Variants in SPRED2 observed in about 807,000 individuals in gnomAD.
SPRED2 encodes sprouty-related, EVH1 domain-containing protein 2.
Under a neutral mutation model 43.0 loss-of-function variants are expected in SPRED2, and 47 were observed. The ratio of observed to expected loss-of-function variants is 1.09; its 90% CI spans 0.87 to 1.40. SPRED2 has a LOEUF of 1.40. Ranked by LOEUF, SPRED2 falls within the 40% of genes most tolerant of loss-of-function variation. The pLI is 0.00. For missense variants in SPRED2, 561 were observed against 586.4 expected (o/e 0.96, Z 0.45); for synonymous variants, 225 against 225.7 (o/e 1.00, Z 0.03).
chr2:65,336,691 A>C (rs1047962753), intron 2 of SPRED2, among the ~76,000 whole-genome samples: 2 of 152,260 alleles, frequency 1.3e-5, no homozygotes, highest in African/African-American at 4.8e-5. Context: ...GTCTCAAAAT[A>C]AACTTTTTGT....
At chr2:65,408,359 T>C (rs1230433616) in intron 1 of SPRED2, among the ~76,000 whole-genome samples, 1 of 152,184 alleles carries the variant, frequency 6.6e-6, no homozygotes, top group Non-Finnish European at 1.5e-5. Flanking sequence ...AAATATGCAG[T>C]ATAAGGTAGA....
chr2:65,385,964 AAAG>A lies in SPRED2; in HGVS notation c.27-41071_27-41069del, dbSNP rs200593579. 1.5e-3 allele frequency among the ~76,000 whole-genome samples: 221 copies of A among 152,258 alleles called. 2 individuals are homozygous for A. Among genetic ancestry groups the A allele is most frequent in the African/African-American group, 5.0e-3 (206 of 41,566 alleles). On this transcript the variant is annotated intron_variant, in intron 1 of 5. Transcript: ENST00000356388. ...TCATGCCCATGGGAGATGGTGAGGC[AAAG>A]AAGGGGGATGATATTGTATCAGAAA...
At chr2:65,308,582 A>G (rs925054697), downstream of SPRED2, 304 of 985,202 alleles carry the variant, frequency 3.1e-4, no homozygotes, top group Non-Finnish European at 3.5e-4. Flanking sequence ...GCCTCAGAAT[A>G]AAAAAGGGAC....
chr2:65,409,992 T>C (rs1216130872), intron 1 of SPRED2, among the ~76,000 whole-genome samples: 1 of 148,170 alleles, frequency 6.7e-6, no homozygotes, highest in African/African-American at 2.5e-5. Context: ...ATTGCACCAC[T>C]GTACTCCAAC....
At chr2:65,419,862 A>C (rs1676379158) in intron 1 of SPRED2, among the ~76,000 whole-genome samples, 1 of 152,160 alleles carries the variant, frequency 6.6e-6, no homozygotes, top group Non-Finnish European at 1.5e-5. Flanking sequence ...CAGATGAGAT[A>C]TCTAAATGCT....
rs1052507937 is a variant in SPRED2, at chr2:65,312,837, T to TG, written c.*663dup. ...ATCAGTGAATCATTTCAACAGATTT[T>TG]GGGGGGGCAGAAAATGATGATGGGC... On this transcript the variant is annotated 3_prime_UTR_variant, in exon 6 of 6. Coordinates refer to ENST00000356388, the MANE Select transcript of SPRED2 (RefSeq NM_181784.3). The TG allele has an allele frequency of 3.8e-5, 37 of 985,728 alleles. No individual in the cohort carries two copies. The highest frequency in any genetic ancestry group is 2.3e-4 in the East Asian group (2 of 8,814). The allele number at this position is 985,728 out of a possible 1,614,324, so 61.1% of individuals were successfully genotyped here.
At chr2:65,358,229 A>T (rs769755834) in intron 1 of SPRED2, among the ~76,000 whole-genome samples, 1 of 152,222 alleles carries the variant, frequency 6.6e-6, no homozygotes, top group Non-Finnish European at 1.5e-5. Flanking sequence ...TGGTTTATCC[A>T]AGTATTTTGA....
At chr2:65,381,358 C>T (rs1374582709) in intron 1 of SPRED2, among the ~76,000 whole-genome samples, 2 of 152,186 alleles carry the variant, frequency 1.3e-5, no homozygotes, top group South Asian at 4.1e-4. Flanking sequence ...GACACCTTAA[C>T]AGTTAAACAC....
rs1398743185 is a variant in SPRED2 at position 65,313,957 on chromosome 2, G to A, written c.801C>T (p.Pro267=). 1 of 1,612,426 alleles carries A rather than the reference G, an allele frequency of 6.2e-7. No individual in the cohort carries two copies. Among genetic ancestry groups the A allele is most frequent in the South Asian group, 1.1e-5 (1 of 91,088 alleles). Residue 267 remains proline (P), a synonymous_variant, in exon 6 of 6, where the codon CCC becomes CCT. Coordinates refer to ENST00000356388, the MANE Select transcript of SPRED2 (RefSeq NM_181784.3). ...GGCCAAAGTCTGAGGAGTCCACGTA[G>A]GGGTAGTTGTAGTCATGCTTGGGGA... ...GEVPKHDYNY[P]YVDSSDFGLG...
intron 1 of SPRED2, among the ~76,000 whole-genome samples, chr2:65,366,190 C>G (rs1674969256): frequency 6.6e-6 from 1 of 152,294 alleles, no homozygotes. Context: ...CCTCCTTCAG[C>G]TCACCTCTGC....
intron 1 of SPRED2, among the ~76,000 whole-genome samples, chr2:65,410,890 G>C (rs1323253807): frequency 6.6e-6 from 1 of 152,194 alleles, no homozygotes. Context: ...TATTGTACTT[G>C]TAGACTTTTC....
intron 1 of SPRED2, among the ~76,000 whole-genome samples, chr2:65,400,283 A>G (rs1433537096): frequency 1.3e-5 from 2 of 152,100 alleles, no homozygotes; most frequent in Non-Finnish European, 2.9e-5. Context: ...CCATGGTTAT[A>G]TTTTCTTTCT....
At chr2:65,352,318 A>C (rs1401473998) in intron 1 of SPRED2, among the ~76,000 whole-genome samples, 1 of 152,264 alleles carries the variant, frequency 6.6e-6, no homozygotes, top group Non-Finnish European at 1.5e-5. Context: ...AGATGTACAG[A>C]AGGTGAAAAG....
At chr2:65,368,463 TG>T (rs1169441803) in intron 1 of SPRED2, among the ~76,000 whole-genome samples, 1 of 152,182 alleles carries the variant, frequency 6.6e-6, no homozygotes, top group Non-Finnish European at 1.5e-5. Flanking sequence ...CAGGTAGAAA[TG>T]GGGGAAATTA....
At chr2:65,423,061 A>C (rs1483326163) in intron 1 of SPRED2, among the ~76,000 whole-genome samples, 3 of 152,240 alleles carry the variant, frequency 2.0e-5, no homozygotes, top group African/African-American at 7.2e-5. Flanking sequence ...TGATAAATTA[A>C]ACCTCTAGTC....
intron 4 of SPRED2, among the ~76,000 whole-genome samples, chr2:65,329,639 C>A (rs1383481882): frequency 6.6e-6 from 1 of 152,186 alleles, no homozygotes; most frequent in Non-Finnish European, 1.5e-5. Flanking sequence ...TCCATCATCC[C>A]TTTCCCTCTC....
chr2:65,389,701 AGAAATTCT>A (rs1675587439), intron 1 of SPRED2, among the ~76,000 whole-genome samples: 1 of 152,226 alleles, frequency 6.6e-6, no homozygotes, highest in African/African-American at 2.4e-5. Flanking sequence ...CATCGTTCTC[AGAAATTCT>A]GACAAGTTCA....
intron 1 of SPRED2, among the ~76,000 whole-genome samples, chr2:65,368,121 A>G (rs1675031473): frequency 6.6e-6 from 1 of 152,238 alleles, no homozygotes; most frequent in Non-Finnish European, 1.5e-5. Context: ...GAGCTCCTGC[A>G]TGGCCCCCTT....
chr2:65,330,170 A>C (rs1295604674), intron 4 of SPRED2, among the ~76,000 whole-genome samples: 2 of 152,152 alleles, frequency 1.3e-5, no homozygotes, highest in African/African-American at 4.8e-5. Context: ...TCTGCAAACC[A>C]TCTTGTGATC....
Sources: gnomAD v4.1 joint callset for allele counts (sites outside exome capture counted in the v4.1 genomes callset) on GRCh38, gnomAD v4.1.1 for gene constraint, MANE v1.5 for transcripts, NCBI Gene and HGNC (gene_info 2026-07-23, HGNC 2026-07-21) for gene names.